Variants in HTR4 observed in about 807,000 individuals in gnomAD.
HTR4 encodes 5-hydroxytryptamine receptor 4, also known as 5-hydroxytryptamine (serotonin) receptor 4, G protein-coupled.
A neutral mutation model predicts 36.8 loss-of-function variants in HTR4; 16 were observed. The observed-to-expected ratio is 0.43, with a 90% CI of 0.29 to 0.66. The LOEUF is 0.66. Ranked by LOEUF, HTR4 falls within the 30% of genes least tolerant of loss-of-function variation. The pLI is 0.13. For missense variants in HTR4, 438 were observed against 490.9 expected, an observed-to-expected ratio of 0.89 and a Z score of 1.02; for synonymous variants, 189 against 185.1, an observed-to-expected ratio of 1.02 and a Z score of -0.17.
At chr5:148,572,397 G>T (rs1760711683) in intron 2 of HTR4, among the ~76,000 whole-genome samples, 1 of 152,072 alleles carries the variant, frequency 6.6e-6, no homozygotes. Flanking sequence ...ATGGCTGGTA[G>T]ATAGTCCAGA....
rs1753435489 is a variant in HTR4 at position 148,634,039 on chromosome 5, CCAAA to C, written c.26+2946_26+2949del. ...AATTAGAAAACTCAATTAAATGACG[CCAAA>C]CAAACAAAAATGAAGTGAGCAGTAT... On this transcript the variant is annotated intron_variant, in intron 2 of 6. Coordinates refer to ENST00000377888, the MANE Select transcript of HTR4 (RefSeq NM_000870.7). 1.5e-4 allele frequency among the ~76,000 whole-genome samples: 23 copies of C among 152,050 alleles called. No individual in the cohort carries two copies. In the South Asian group the frequency reaches 4.8e-3, roughly 32 times the overall value.
chr5:148,472,497 G>T (rs1755594092), downstream of HTR4, among the ~76,000 whole-genome samples: 1 of 152,116 alleles, frequency 6.6e-6, no homozygotes, highest in Non-Finnish European at 1.5e-5. Context: ...GGTGATGTTG[G>T]TGTTGGTATT....
chr5:148,610,072 C>A (rs933089067), intron 2 of HTR4, among the ~76,000 whole-genome samples: 1 of 152,170 alleles, frequency 6.6e-6, no homozygotes, highest in Admixed American at 6.5e-5. Context: ...CAGAACAATT[C>A]TAATATGATG....
intron 2 of HTR4, among the ~76,000 whole-genome samples, chr5:148,556,046 CAG>C (rs1759936722): frequency 6.6e-6 from 1 of 151,912 alleles, no homozygotes; most frequent in Admixed American, 6.6e-5. Flanking sequence ...ATTTTTGAGA[CAG>C]AGTCTTGCCC....
At chr5:148,499,199 C>T (rs1231723100) in intron 6 of HTR4, among the ~76,000 whole-genome samples, 4 of 152,136 alleles carry the variant, frequency 2.6e-5, no homozygotes, top group Non-Finnish European at 4.4e-5. Flanking sequence ...TAATACCTTA[C>T]TTCTTTGAGT....
intron 4 of HTR4, among the ~76,000 whole-genome samples, chr5:148,544,370 T>C (rs956214905): frequency 6.6e-6 from 1 of 151,286 alleles, no homozygotes; most frequent in African/African-American, 2.4e-5. Flanking sequence ...CCCAGATACA[T>C]GCATCTCTAT....
chr5:148,623,282 G>A (rs1026054780), intron 2 of HTR4, among the ~76,000 whole-genome samples: 1 of 152,066 alleles, frequency 6.6e-6, no homozygotes, highest in Non-Finnish European at 1.5e-5. Context: ...AGGAAAAATG[G>A]GCCTTTGAAC....
chr5:148,609,966 A>C (rs6860900), intron 2 of HTR4, among the ~76,000 whole-genome samples: 37,374 of 152,104 alleles, frequency 0.25, 5,515 homozygotes, highest in Non-Finnish European at 0.33. Context: ...TCCAGAGAAG[A>C]ATAAATTAAT....
intron 1 of HTR4, among the ~76,000 whole-genome samples, chr5:148,648,839 G>A (rs1004244591): frequency 4.6e-5 from 7 of 152,160 alleles, no homozygotes; most frequent in Admixed American, 1.3e-4. Context: ...TAATGGCAGA[G>A]CAATGTGGAA....
intron 2 of HTR4, among the ~76,000 whole-genome samples, chr5:148,579,478 G>A (rs1402159432): frequency 6.6e-6 from 1 of 152,008 alleles, no homozygotes; most frequent in Non-Finnish European, 1.5e-5. Flanking sequence ...TGTGGCCCAA[G>A]TAAACATATT....
At chr5:148,601,075 A>C (rs1021373829) in intron 2 of HTR4, among the ~76,000 whole-genome samples, 7 of 151,364 alleles carry the variant, frequency 4.6e-5, no homozygotes, top group African/African-American at 1.7e-4. Context: ...AAGAATGGCC[A>C]AGAAGCATAT....
At chr5:148,636,041 C>T (rs193085039) in intron 2 of HTR4, among the ~76,000 whole-genome samples, 37 of 152,234 alleles carry the variant, frequency 2.4e-4, no homozygotes, top group Admixed American at 2.4e-3. Context: ...ATTAAATACC[C>T]ACCATGTACC....
At position 148,637,069 on chromosome 5, in the gene HTR4, G is replaced by A. The variant is rs201125216; in HGVS notation, c.-47-8C>T. 1.7e-4 allele frequency: 262 copies of A among 1,586,450 alleles called. 3 individuals are homozygous for A. The South Asian group carries it at 2.8e-3, about 17-fold the overall frequency. Reference sequence around the variant, plus strand: ...TTCAATGCCCACAGGGTCCTAAAATGGGGGAAGTAAAAAGATGTTATAAAA... The same window carrying A: ...TTCAATGCCCACAGGGTCCTAAAATAGGGGAAGTAAAAAGATGTTATAAAA... On this transcript the variant is annotated splice_region_variant and splice_polypyrimidine_tract_variant and intron_variant, in intron 1 of 6. Coordinates refer to ENST00000377888, the MANE Select transcript of HTR4 (RefSeq NM_000870.7).
intron 6 of HTR4, among the ~76,000 whole-genome samples, chr5:148,486,837 T>G (rs1280669997): frequency 6.6e-6 from 1 of 152,198 alleles, no homozygotes; most frequent in Non-Finnish European, 1.5e-5. Context: ...TGAAATTACA[T>G]TGCAAAGCTG....
chr5:148,605,365 T>A (rs1752114270), intron 2 of HTR4, among the ~76,000 whole-genome samples: 1 of 150,678 alleles, frequency 6.6e-6, no homozygotes, highest in Non-Finnish European at 1.5e-5. Context: ...TTCAAGCGAT[T>A]CTCCTGCCTC....
At chr5:148,480,728 C>T (rs1480066169), downstream of HTR4, among the ~76,000 whole-genome samples, 3 of 152,148 alleles carry the variant, frequency 2.0e-5, no homozygotes, top group Non-Finnish European at 2.9e-5. Context: ...TACCTTCCTG[C>T]GAACTTTGCC....
At chr5:148,511,619 TTG>T (rs529668445) in intron 5 of HTR4, among the ~76,000 whole-genome samples, 2,973 of 138,808 alleles carry the variant, frequency 0.021, 49 homozygotes, top group African/African-American at 0.045. Context: ...TTGTGGAAGT[TTG>T]TGTGTGTGTG....
At chr5:148,509,144 A>C (rs1757367909) in intron 6 of HTR4, among the ~76,000 whole-genome samples, 2 of 152,178 alleles carry the variant, frequency 1.3e-5, no homozygotes, top group South Asian at 4.1e-4. Flanking sequence ...TTCTCATAAA[A>C]ACTCTGTGAT....
intron 6 of HTR4, among the ~76,000 whole-genome samples, chr5:148,493,931 TAAGATG>T (rs1033273535): frequency 1.2e-4 from 19 of 152,268 alleles, no homozygotes; most frequent in African/African-American, 2.9e-4. Flanking sequence ...GTAAAGGCCA[TAAGATG>T]GCTTTTAAAT....
Sources: gnomAD v4.1 joint callset for allele counts (sites outside exome capture counted in the v4.1 genomes callset) on GRCh38, gnomAD v4.1.1 for gene constraint, MANE v1.5 for transcripts, NCBI Gene and HGNC (gene_info 2026-07-23, HGNC 2026-07-21) for gene names.